ATRNL1: variants seen among roughly 807,000 people sequenced by gnomAD.
ATRNL1 encodes attractin like 1.
Under a neutral mutation model 182.7 loss-of-function variants are expected in ATRNL1, and 95 were observed. That is an observed-to-expected ratio of 0.52 (90% CI 0.44 to 0.62). ATRNL1 has a LOEUF of 0.62. Ranked by LOEUF, ATRNL1 falls within the 20% of genes least tolerant of loss-of-function variation. ATRNL1 has a pLI of 0.00. For missense variants in ATRNL1, 1,471 were observed against 1,679.5 expected (o/e 0.88, Z 2.17); for synonymous variants, 576 against 568.3 (o/e 1.01, Z -0.19).
rs1438212670 is a variant in ATRNL1, at chr10:115,827,279, A to T, written c.3904-20598A>T. Among the ~76,000 whole-genome samples, 9 of 152,358 alleles carry T rather than the reference A, an allele frequency of 5.9e-5. No homozygotes were observed. In the East Asian group the frequency reaches 1.7e-3, roughly 29 times the overall value. On this transcript the variant is annotated intron_variant, in intron 27 of 28. Transcript: ENST00000355044. ...AAACCCATGAGGCAAGAGCCAAAGT[A>T]TTACAGCTCAGTCAGGCCACACCCC...
intron 20 of ATRNL1, among the ~76,000 whole-genome samples, chr10:115,423,038 A>T (rs1554962210): frequency 6.6e-6 from 1 of 152,222 alleles, no homozygotes; most frequent in East Asian, 1.9e-4. Context: ...AAGTTAAGAA[A>T]AATGATAGGA....
intron 13 of ATRNL1, among the ~76,000 whole-genome samples, chr10:115,271,110 T>C (rs781965743): frequency 1.3e-5 from 2 of 151,734 alleles, no homozygotes; most frequent in Admixed American, 6.6e-5. Flanking sequence ...AATTCTGATA[T>C]GAGCATCTTA....
At chr10:115,597,772 C>T (rs782594833) in intron 26 of ATRNL1, 17 of 395,690 alleles carry the variant, frequency 4.3e-5, no homozygotes, top group East Asian at 8.3e-5. Context: ...GGACCTCAGG[C>T]GATCTGCCCA....
At chr10:115,746,255 T>C (rs1419439508) in intron 27 of ATRNL1, among the ~76,000 whole-genome samples, 1 of 152,138 alleles carries the variant, frequency 6.6e-6, no homozygotes, top group Non-Finnish European at 1.5e-5. Flanking sequence ...GAGTTTTTGA[T>C]TTATCATATT....
chr10:115,830,033 A>G (rs1043392512), intron 27 of ATRNL1, among the ~76,000 whole-genome samples: 16 of 152,224 alleles, frequency 1.1e-4, no homozygotes, highest in Admixed American at 1.0e-3. Context: ...CAGACCTGCA[A>G]CAAGAGAGTC....
chr10:115,711,374 GA>G (rs1947059447), intron 26 of ATRNL1, among the ~76,000 whole-genome samples: 2 of 152,184 alleles, frequency 1.3e-5, no homozygotes, highest in South Asian at 4.1e-4. Context: ...AAAAGGAAGA[GA>G]GGCAGATTCA....
At chr10:115,880,871 G>C (rs1290703373) in intron 28 of ATRNL1, among the ~76,000 whole-genome samples, 1 of 152,208 alleles carries the variant, frequency 6.6e-6, no homozygotes, top group Non-Finnish European at 1.5e-5. Context: ...AAGAGAAAGA[G>C]AGGAAGCAGG....
At chr10:115,197,224 G>A (rs565533599) in intron 8 of ATRNL1, among the ~76,000 whole-genome samples, 1 of 151,860 alleles carries the variant, frequency 6.6e-6, no homozygotes, top group South Asian at 2.1e-4. Context: ...CTTGGATAAA[G>A]CTTACTTGGT....
chr10:115,137,119 C>T (rs1485029550), intron 5 of ATRNL1, among the ~76,000 whole-genome samples: 1 of 152,060 alleles, frequency 6.6e-6, no homozygotes, highest in Non-Finnish European at 1.5e-5. Context: ...CACTTGAACC[C>T]AGGAGGTGGA....
intron 1 of ATRNL1, among the ~76,000 whole-genome samples, chr10:115,096,133 T>A (rs1297415284): frequency 1.3e-5 from 2 of 152,178 alleles, no homozygotes; most frequent in Admixed American, 6.5e-5. Flanking sequence ...GTAGATATTG[T>A]TAAATAACAA....
chr10:115,540,854 G>T (rs559313583), intron 25 of ATRNL1, among the ~76,000 whole-genome samples: 3 of 151,952 alleles, frequency 2.0e-5, no homozygotes, highest in Non-Finnish European at 2.9e-5. Flanking sequence ...AATGTTTAGT[G>T]CTTTAAGAAA....
chr10:115,313,745 A>G (rs1285452814), intron 17 of ATRNL1, among the ~76,000 whole-genome samples: 3 of 151,998 alleles, frequency 2.0e-5, no homozygotes, highest in Non-Finnish European at 4.4e-5. Context: ...GTATAACAAT[A>G]TTAGAAAATT....
chr10:115,325,572 A>G (rs571895168), intron 18 of ATRNL1, among the ~76,000 whole-genome samples: 1 of 152,300 alleles, frequency 6.6e-6, no homozygotes, highest in East Asian at 1.9e-4. Context: ...TGCATCATAT[A>G]TAGACCATGT....
intron 8 of ATRNL1, chr10:115,171,511 A>T: frequency 2.6e-6 from 1 of 390,022 alleles, no homozygotes; most frequent in Non-Finnish European, 4.5e-6. Flanking sequence ...ATATTACTTA[A>T]TAGTCTCATT....
chr10:115,928,547 A>G (rs1953302706), intron 28 of ATRNL1, among the ~76,000 whole-genome samples: 1 of 151,992 alleles, frequency 6.6e-6, no homozygotes, highest in Admixed American at 6.6e-5. Context: ...AAGTTCCTGA[A>G]TAAATGTCTG....
chr10:115,572,448 A>G (rs143782855), intron 26 of ATRNL1, among the ~76,000 whole-genome samples: 5 of 152,322 alleles, frequency 3.3e-5, no homozygotes, highest in African/African-American at 1.2e-4. Flanking sequence ...AAAAAAGACT[A>G]ATTCTCACTC....
intron 19 of ATRNL1, among the ~76,000 whole-genome samples, chr10:115,374,469 C>CTTCCTTCCT (rs1554948993): frequency 6.8e-6 from 1 of 146,286 alleles, no homozygotes; most frequent in Non-Finnish European, 1.5e-5. Context: ...TCCTTCCTTC[C>CTTCCTTCCT]TTCCTTCCTT....
At chr10:115,553,781 A>G (rs1554996224) in intron 26 of ATRNL1, among the ~76,000 whole-genome samples, 1 of 151,492 alleles carries the variant, frequency 6.6e-6, no homozygotes, top group African/African-American at 2.4e-5. Flanking sequence ...GACAAAAGTA[A>G]TAATATTAAA....
At chr10:115,651,638 G>T (rs1339636520) in intron 26 of ATRNL1, among the ~76,000 whole-genome samples, 5 of 152,176 alleles carry the variant, frequency 3.3e-5, no homozygotes, top group Non-Finnish European at 7.4e-5. Context: ...AAATGAAAAT[G>T]TGAGCAAGGC....
Sources: allele counts gnomAD v4.1 joint callset (sites outside exome capture counted in the v4.1 genomes callset), GRCh38; gene constraint gnomAD v4.1.1; transcripts MANE v1.5; gene names NCBI Gene and HGNC (gene_info 2026-07-23, HGNC 2026-07-21).